The following ZNF609 variants were observed in gnomAD, a reference collection of about 807,000 sequenced individuals.
The protein encoded by ZNF609 is zinc finger protein 609.
Under a neutral mutation model 109.5 loss-of-function variants are expected in ZNF609, and 11 were observed. That is an observed-to-expected ratio of 0.10 (90% CI 0.06 to 0.17). The LOEUF is 0.17. Ranked by LOEUF, ZNF609 falls within the 10% of genes least tolerant of loss-of-function variation. The pLI is 1.00. For synonymous variants in ZNF609, 646 were observed against 662.0 expected (o/e 0.98, Z 0.37); for missense variants, 1,559 against 1,772.4 (o/e 0.88, Z 2.16).
chr15:64,515,669 G>C (rs1259332512), intron 2 of ZNF609, among the ~76,000 whole-genome samples: 1 of 152,022 alleles, frequency 6.6e-6, no homozygotes, highest in Non-Finnish European at 1.5e-5. Flanking sequence ...GGGCGCAGTG[G>C]CTCACATCTG....
chr15:64,474,358 C>T (rs1485239701), intron 1 of ZNF609, among the ~76,000 whole-genome samples: 11 of 151,916 alleles, frequency 7.2e-5, no homozygotes, highest in South Asian at 4.2e-4. Context: ...GGATTACAGG[C>T]GTACGCCACC....
At chr15:64,525,094 C>T (rs774153251) in intron 2 of ZNF609, among the ~76,000 whole-genome samples, 26 of 152,068 alleles carry the variant, frequency 1.7e-4, no homozygotes, top group Non-Finnish European at 3.2e-4. Context: ...TTTTCATGTG[C>T]TTATGTGCTT....
chr15:64,556,650 A>G (rs1470588396), intron 2 of ZNF609, among the ~76,000 whole-genome samples: 1 of 152,184 alleles, frequency 6.6e-6, no homozygotes, highest in Admixed American at 6.5e-5. Flanking sequence ...GCACTGCTTT[A>G]CTAGTCTTTC....
chr15:64,589,703 C>T (rs1208149453), intron 2 of ZNF609, among the ~76,000 whole-genome samples: 1 of 152,158 alleles, frequency 6.6e-6, no homozygotes, highest in Non-Finnish European at 1.5e-5. Context: ...AACCAAGGCC[C>T]TCCTTTACTT....
rs3057845 is a variant in ZNF609 at position 64,637,994 on chromosome 15, TTA to T, written c.973+14963_973+14964del. The stretch of plus-strand genomic sequence containing the variant: ...CTATGTTTTTTCTGAGAACCTTGTT[TTA>T]TATATATATATATATATATAAAATA... On this transcript the variant is annotated intron_variant, in intron 3 of 9. Transcript: ENST00000326648. 1.6e-3 allele frequency among the ~76,000 whole-genome samples: 215 copies of T among 134,336 alleles called. 1 individual carries two copies. The highest frequency in any genetic ancestry group is 4.4e-3 in the African/African-American group (164 of 37,226). The allele number at this position is 134,336 out of a possible 152,430, so 88.1% of individuals were successfully genotyped here.
chr15:64,556,886 A>C (rs916957950), intron 2 of ZNF609, among the ~76,000 whole-genome samples: 3 of 152,196 alleles, frequency 2.0e-5, no homozygotes, highest in African/African-American at 7.2e-5. Context: ...CTGCTTTTTA[A>C]AAGGATTTAA....
intron 2 of ZNF609, among the ~76,000 whole-genome samples, chr15:64,576,156 G>T (rs987261301): frequency 4.6e-5 from 7 of 152,074 alleles, no homozygotes; most frequent in Middle Eastern, 3.4e-3. Context: ...AAAAATGGGG[G>T]CTAATCAGGA....
intron 3 of ZNF609, among the ~76,000 whole-genome samples, chr15:64,660,746 C>T (rs1242889025): frequency 6.6e-6 from 1 of 152,120 alleles, no homozygotes; most frequent in African/African-American, 2.4e-5. Flanking sequence ...ACCACAGGGC[C>T]TTTGTACTTG....
At chr15:64,504,673 G>C (rs987828833) in intron 2 of ZNF609, among the ~76,000 whole-genome samples, 2 of 151,288 alleles carry the variant, frequency 1.3e-5, no homozygotes, top group Admixed American at 6.6e-5. Flanking sequence ...TAGGGATAGG[G>C]GTTCACCATG....
At position 64,680,301 on chromosome 15, in the gene ZNF609, T is replaced by A. The variant is rs1311301323; in HGVS notation, c.3886T>A (p.Ser1296Thr). Residue 1296 changes from serine to threonine, a missense_variant, in exon 7 of 10, where the codon TCC becomes ACC. Ser to Thr is a moderately conservative substitution (Grantham distance 58, BLOSUM62 1). Transcript: ENST00000326648. ...PSVTCKSSSE[S>T]KALDILQQHA... ...TGTGACTTGTAAATCCAGCTCAGAG[T>A]CCAAAGCCCTGGACATCTTGCAGCA... 20 of 1,613,820 alleles carry A rather than the reference T, an allele frequency of 1.2e-5. No homozygotes were observed. Among genetic ancestry groups the A allele is most frequent in the Non-Finnish European group, 1.7e-5 (20 of 1,180,000 alleles).
At chr15:64,586,121 TC>T (rs1457317275) in intron 2 of ZNF609, among the ~76,000 whole-genome samples, 1 of 152,094 alleles carries the variant, frequency 6.6e-6, no homozygotes, top group African/African-American at 2.4e-5. Flanking sequence ...GGTCAGGAGT[TC>T]GAGACCAGCC....
chr15:64,582,698 C>CTT (rs1279799335), intron 2 of ZNF609, among the ~76,000 whole-genome samples: 2 of 144,722 alleles, frequency 1.4e-5, no homozygotes, highest in African/African-American at 5.1e-5. Flanking sequence ...TATCCATTCA[C>CTT]TCTTTCTTTC....
chr15:64,566,104 C>G (rs550032973), intron 2 of ZNF609, among the ~76,000 whole-genome samples: 1 of 152,306 alleles, frequency 6.6e-6, no homozygotes, highest in South Asian at 2.1e-4. Flanking sequence ...CCCGCCTCAA[C>G]CTCCCAAAGT....
rs1018363400 is a variant in ZNF609, at chr15:64,481,496, T to A, written c.-127-17797T>A. On this transcript the variant is annotated intron_variant, in intron 1 of 9. Coordinates refer to ENST00000326648, the MANE Select transcript of ZNF609 (RefSeq NM_015042.2). ...ACACCACGCCTAGCTAATTCTGTAT[T>A]TTTAGTAGAGGCGGGGTTTCTTCAT... Among the ~76,000 whole-genome samples, 3 of 151,840 alleles carry A rather than the reference T, an allele frequency of 2.0e-5. No individual in the cohort carries two copies. In the East Asian group the frequency reaches 5.8e-4, roughly 29 times the overall value.
chr15:64,575,454 G>C (rs1464920739), intron 2 of ZNF609, among the ~76,000 whole-genome samples: 2 of 151,958 alleles, frequency 1.3e-5, no homozygotes, highest in African/African-American at 4.8e-5. Flanking sequence ...GAAAACCAGA[G>C]GTTATCTATA....
intron 2 of ZNF609, among the ~76,000 whole-genome samples, chr15:64,508,005 A>G (rs1370645351): frequency 6.6e-6 from 1 of 152,232 alleles, no homozygotes; most frequent in African/African-American, 2.4e-5. Flanking sequence ...CATTCATCCT[A>G]GATGACATTG....
At chr15:64,563,426 G>A (rs1270739521) in intron 2 of ZNF609, among the ~76,000 whole-genome samples, 2 of 151,788 alleles carry the variant, frequency 1.3e-5, no homozygotes, top group Admixed American at 6.6e-5. Flanking sequence ...ACTCCAGCCT[G>A]GGTGGTGGAA....
chr15:64,564,822 T>G (rs1798565953), intron 2 of ZNF609, among the ~76,000 whole-genome samples: 1 of 152,024 alleles, frequency 6.6e-6, no homozygotes, highest in African/African-American at 2.4e-5. Flanking sequence ...GATACATTGT[T>G]ATACACATTG....
intron 2 of ZNF609, among the ~76,000 whole-genome samples, chr15:64,541,611 C>T (rs4605111): frequency 0.014 from 2,080 of 151,414 alleles, 62 homozygotes; most frequent in African/African-American, 0.048. Flanking sequence ...GAGGCCAGGG[C>T]GGGCAGATCA....
Sources: gnomAD v4.1 joint callset for allele counts (sites outside exome capture counted in the v4.1 genomes callset) on GRCh38, gnomAD v4.1.1 for gene constraint, MANE v1.5 for transcripts, NCBI Gene and HGNC (gene_info 2026-07-23, HGNC 2026-07-21) for gene names.